The following SLC44A5 variants were observed in gnomAD, a reference collection of about 807,000 sequenced individuals.
SLC44A5 encodes the protein solute carrier family 44 member 5.
A neutral mutation model predicts 101.8 loss-of-function variants in SLC44A5; 57 were observed. The ratio of observed to expected loss-of-function variants is 0.56; its 90% confidence interval spans 0.45 to 0.70. SLC44A5 has a LOEUF of 0.70. SLC44A5 is among the 30% of genes least tolerant of loss of function. SLC44A5 has a pLI of 0.00. For missense variants in SLC44A5, 737 were observed against 853.1 expected (o/e 0.86, Z 1.70); for synonymous variants, 281 against 290.9 (o/e 0.97, Z 0.35).
At chr1:75,247,332 G>A (rs1319025284) in intron 7 of SLC44A5, among the ~76,000 whole-genome samples, 1 of 152,064 alleles carries the variant, frequency 6.6e-6, no homozygotes, top group African/African-American at 2.4e-5. Flanking sequence ...GGAATACATT[G>A]GGGTGGGGAA....
chr1:75,374,622 A>T (rs1052019214), intron 3 of SLC44A5, among the ~76,000 whole-genome samples: 1 of 152,200 alleles, frequency 6.6e-6, no homozygotes, highest in Non-Finnish European at 1.5e-5. Context: ...CATGTGGCTA[A>T]GAGCCTATCT....
chr1:75,239,584 G>A (rs113537552), intron 9 of SLC44A5, among the ~76,000 whole-genome samples: 160 of 152,082 alleles, frequency 1.1e-3, no homozygotes, highest in African/African-American at 3.7e-3. Context: ...CACTTAGGAC[G>A]TGGCTGATTC....
chr1:75,427,124 C>T (rs556548186), intron 2 of SLC44A5, among the ~76,000 whole-genome samples: 2 of 152,306 alleles, frequency 1.3e-5, no homozygotes, highest in African/African-American at 2.4e-5. Context: ...CCCCCATCAC[C>T]TTGACTTGAT....
intron 2 of SLC44A5, among the ~76,000 whole-genome samples, chr1:75,477,942 C>T (rs1280270187): frequency 1.3e-5 from 2 of 151,824 alleles, no homozygotes; most frequent in African/African-American, 2.4e-5. Context: ...CTCCAAGACA[C>T]ATAATTGTCA....
intron 2 of SLC44A5, among the ~76,000 whole-genome samples, chr1:75,452,093 A>G (rs1665939355): frequency 6.6e-6 from 1 of 152,236 alleles, no homozygotes; most frequent in South Asian, 2.1e-4. Context: ...AAAGGTATAT[A>G]GTCACCAGAC....
the SLC44A5 span, among the ~76,000 whole-genome samples, chr1:75,639,552 T>C: frequency 2.0e-5 from 3 of 152,108 alleles, no homozygotes; most frequent in Admixed American, 2.0e-4. Context: ...CTTAGAAGCA[T>C]GCAGCCTAAG....
chr1:75,722,931 G>A, the SLC44A5 span, among the ~76,000 whole-genome samples: 4 of 152,180 alleles, frequency 2.6e-5, no homozygotes, highest in Non-Finnish European at 2.9e-5. Flanking sequence ...CCACATTTTA[G>A]CCTAGATATT....
chr1:75,681,534 A>G, the SLC44A5 span, among the ~76,000 whole-genome samples: 34 of 151,704 alleles, frequency 2.2e-4, no homozygotes, highest in African/African-American at 7.7e-4. Context: ...AGATGCAGAA[A>G]AGGCCTTTGA....
intron 2 of SLC44A5, among the ~76,000 whole-genome samples, chr1:75,527,524 G>C (rs1272848625): frequency 6.6e-6 from 1 of 152,134 alleles, no homozygotes; most frequent in Non-Finnish European, 1.5e-5. Context: ...GCCTAAAAAT[G>C]AATTATTGCC....
At chr1:75,610,141 A>G (rs1188902966) in intron 1 of SLC44A5, among the ~76,000 whole-genome samples, 1 of 86,034 alleles carries the variant, frequency 1.2e-5, no homozygotes, top group Non-Finnish European at 2.5e-5. Context: ...AGAAATACAC[A>G]CACACACACA....
the SLC44A5 span, among the ~76,000 whole-genome samples, chr1:75,630,203 C>T: frequency 6.6e-6 from 1 of 152,096 alleles, no homozygotes; most frequent in African/African-American, 2.4e-5. Context: ...TGTAGGGTGC[C>T]TTTGTGGGTT....
At chr1:75,427,942 T>C (rs74580895) in intron 2 of SLC44A5, among the ~76,000 whole-genome samples, 35,347 of 152,096 alleles carry the variant, frequency 0.23, 4,250 homozygotes, top group African/African-American at 0.26. Context: ...TGTGGTTGGA[T>C]GGAGCCATGT....
At chr1:75,215,322 A>C (rs1034566065) in intron 19 of SLC44A5, among the ~76,000 whole-genome samples, 1 of 152,150 alleles carries the variant, frequency 6.6e-6, no homozygotes, top group Non-Finnish European at 1.5e-5. Flanking sequence ...TCAGTCAAAC[A>C]TTGTCAATGT....
chr1:75,202,957 A>G lies in SLC44A5; in HGVS notation c.*770T>C, dbSNP rs2100412824. 1 of 152,348 alleles carries G rather than the reference A, an allele frequency of 6.6e-6. No homozygotes were observed. Among genetic ancestry groups the G allele is most frequent in the Non-Finnish European group, 1.5e-5 (1 of 68,030 alleles). 9.4% of individuals were successfully genotyped at this position (152,348 alleles called of 1,614,324 possible). A position where few individuals can be genotyped will look rare whatever the true frequency, so the allele number is the denominator to read the frequency against. ...TGAATGTCCACTAGGCGCAAGGGAA[A>G]TTGTTTAGCTGCACAATGTATTCCA... On this transcript the variant is annotated 3_prime_UTR_variant, in exon 24 of 24. Coordinates refer to ENST00000370859, the MANE Select transcript of SLC44A5 (RefSeq NM_001130058.2).
chr1:75,378,259 T>A (rs1364579695), intron 3 of SLC44A5, among the ~76,000 whole-genome samples: 2 of 72,766 alleles, frequency 2.7e-5, no homozygotes, highest in African/African-American at 9.7e-5. Flanking sequence ...TTATTAAAAT[T>A]CTTTTAAAAA....
intron 1 of SLC44A5, among the ~76,000 whole-genome samples, chr1:75,567,425 T>A (rs1311012328): frequency 6.6e-6 from 1 of 152,094 alleles, no homozygotes; most frequent in Non-Finnish European, 1.5e-5. Context: ...GACATCATTG[T>A]TAAAAGAACA....
chr1:75,426,644 A>T (rs1020036272), intron 2 of SLC44A5, among the ~76,000 whole-genome samples: 1 of 152,214 alleles, frequency 6.6e-6, no homozygotes, highest in African/African-American at 2.4e-5. Flanking sequence ...AATTCTCCAT[A>T]TGTGAAGAAG....
intron 2 of SLC44A5, among the ~76,000 whole-genome samples, chr1:75,422,002 A>G (rs1420934725): frequency 6.6e-6 from 1 of 152,190 alleles, no homozygotes; most frequent in African/African-American, 2.4e-5. Context: ...TAAAATGGTC[A>G]TACTTGTGAC....
At chr1:75,417,086 C>A (rs375003485) in intron 2 of SLC44A5, among the ~76,000 whole-genome samples, 2 of 152,064 alleles carry the variant, frequency 1.3e-5, no homozygotes, top group South Asian at 2.1e-4. Flanking sequence ...AGGGCCAAAA[C>A]GATATGATTT....
Sources: allele counts gnomAD v4.1 joint callset (sites outside exome capture counted in the v4.1 genomes callset), GRCh38; gene constraint gnomAD v4.1.1; transcripts MANE v1.5; gene names NCBI Gene and HGNC (gene_info 2026-07-23, HGNC 2026-07-21).